SRGAP3: variants seen among roughly 807,000 people sequenced by gnomAD.
The protein encoded by SRGAP3 is SLIT-ROBO Rho GTPase activating protein 3, also known as SLIT-ROBO Rho GTPase-activating protein 3.
SRGAP3 carries 39 observed loss-of-function variants against 121.1 expected under a neutral mutation model. The observed-to-expected ratio is 0.32, with a 90% CI of 0.25 to 0.42. SRGAP3 has a LOEUF of 0.42. Ranked by LOEUF, SRGAP3 falls within the 10% of genes least tolerant of loss-of-function variation. The pLI is 1.00. For missense variants in SRGAP3, 1,213 were observed against 1,470.6 expected, an observed-to-expected ratio of 0.82 and a Z score of 2.86; for synonymous variants, 601 against 570.0, an observed-to-expected ratio of 1.05 and a Z score of -0.77.
At chr3:9,047,501 T>A (rs1180140354) in intron 9 of SRGAP3, 26 bp from the exon 10 acceptor site, 1 of 1,610,782 alleles carries the variant, frequency 6.2e-7, no homozygotes, top group Non-Finnish European at 8.5e-7. Context: ...CACAAGGAAG[T>A]TATAGATTGC....
At chr3:8,986,253 T>G (rs1174250052) in intron 21 of SRGAP3, among the ~76,000 whole-genome samples, 1 of 152,092 alleles carries the variant, frequency 6.6e-6, no homozygotes, top group Admixed American at 6.5e-5. Context: ...AGTTCCCTCA[T>G]CCCTCTGAGC....
intron 2 of SRGAP3, among the ~76,000 whole-genome samples, chr3:9,108,098 A>T (rs182089454): frequency 6.6e-6 from 1 of 152,192 alleles, no homozygotes; most frequent in East Asian, 1.9e-4. Flanking sequence ...ATACAGATTA[A>T]AGGCCCAATG....
At chr3:9,083,851 GA>G (rs1467508307) in intron 3 of SRGAP3, among the ~76,000 whole-genome samples, 11 of 152,082 alleles carry the variant, frequency 7.2e-5, no homozygotes, top group Non-Finnish European at 1.0e-4. Context: ...TTGGTGACCA[GA>G]AGCCATGTCA....
chr3:9,305,363 CTTTTTTT>C (rs1210901472), intron 3 of SRGAP3, among the ~76,000 whole-genome samples: 1 of 96,732 alleles, frequency 1.0e-5, no homozygotes, highest in South Asian at 3.4e-4. Flanking sequence ...GAGGTCCTCT[CTTTTTTT>C]TTTTTTTTTT....
intron 17 of SRGAP3, among the ~76,000 whole-genome samples, chr3:9,012,568 T>C (rs1312096519): frequency 6.6e-6 from 1 of 152,096 alleles, no homozygotes; most frequent in East Asian, 1.9e-4. Flanking sequence ...CCCAAACTAG[T>C]GATTGTTGAC....
At chr3:9,192,838 A>G (rs1317311106) in intron 1 of SRGAP3, 1 of 152,154 alleles carries the variant, frequency 6.6e-6, no homozygotes, top group African/African-American at 2.4e-5. Context: ...GGTAATCGTT[A>G]TAGTAACTCC....
Position 9,214,997 on chromosome 3 carries a change from G to C in SRGAP3, c.67+33888C>G, listed in dbSNP as rs117879280. Among the ~76,000 whole-genome samples, 175 of 137,468 alleles carry C rather than the reference G, an allele frequency of 1.3e-3. 2 individuals are homozygous for C. In the East Asian group the frequency reaches 0.019, roughly 15 times the overall value. The allele number at this position is 137,468 out of a possible 152,430, so 90.2% of individuals were successfully genotyped here. On this transcript the variant is annotated intron_variant, in intron 1 of 21. Coordinates refer to ENST00000383836, the MANE Select transcript of SRGAP3 (RefSeq NM_014850.4). Reference sequence around the variant, plus strand: ...TCCAGTATTCCTGGGAGGATAAAGTGAGGTGGCCTTTGAGGAAGGAGAGCT... The same window carrying C: ...TCCAGTATTCCTGGGAGGATAAAGTCAGGTGGCCTTTGAGGAAGGAGAGCT...
chr3:9,051,530 C>T (rs1945577206), intron 9 of SRGAP3, among the ~76,000 whole-genome samples: 1 of 152,012 alleles, frequency 6.6e-6, no homozygotes, highest in Non-Finnish European at 1.5e-5. Flanking sequence ...AGAAGACCTG[C>T]CCAAGATATC....
chr3:9,091,432 G>T (rs540776447), intron 3 of SRGAP3, among the ~76,000 whole-genome samples: 3 of 151,922 alleles, frequency 2.0e-5, no homozygotes, highest in Admixed American at 6.6e-5. Flanking sequence ...CCTAAATGCC[G>T]ACAGATCCTA....
chr3:9,047,530 C>G (rs572418689), intron 9 of SRGAP3, 55 bp from the exon 10 acceptor site: 4 of 1,551,504 alleles, frequency 2.6e-6, no homozygotes, highest in Non-Finnish European at 3.6e-6. Context: ...GTAATGGGAT[C>G]TCTGCCTCTG....
chr3:9,353,711 G>A (rs1033955896), intron 1 of SRGAP3, among the ~76,000 whole-genome samples: 4 of 152,170 alleles, frequency 2.6e-5, no homozygotes, highest in African/African-American at 4.8e-5. Context: ...CGGGTTAAAG[G>A]TTCATGGACT....
intron 1 of SRGAP3, among the ~76,000 whole-genome samples, chr3:9,230,806 G>A (rs1018141247): frequency 4.0e-5 from 6 of 151,218 alleles, no homozygotes; most frequent in East Asian, 1.9e-4. Context: ...TCAAGGCTGC[G>A]GTGAGTTATG....
chr3:9,022,130 C>T (rs939718367), intron 14 of SRGAP3, among the ~76,000 whole-genome samples: 3 of 152,158 alleles, frequency 2.0e-5, no homozygotes, highest in Non-Finnish European at 4.4e-5. Flanking sequence ...AGATGGAGAC[C>T]ATCCTGGCCA....
intron 1 of SRGAP3, among the ~76,000 whole-genome samples, chr3:9,171,106 C>G (rs951624878): frequency 6.6e-6 from 1 of 152,232 alleles, no homozygotes. Context: ...GGAAGAGAAA[C>G]CCAAGAACCC....
chr3:9,093,433 C>G (rs1947835635), intron 3 of SRGAP3, among the ~76,000 whole-genome samples: 1 of 152,180 alleles, frequency 6.6e-6, no homozygotes, highest in Non-Finnish European at 1.5e-5. Context: ...ATCTATCCAT[C>G]AACCTACCCA....
intron 1 of SRGAP3, among the ~76,000 whole-genome samples, chr3:9,183,268 G>A (rs185003184): frequency 3.9e-4 from 59 of 152,246 alleles, no homozygotes; most frequent in Non-Finnish European, 6.5e-4. Flanking sequence ...CAGCCACGGC[G>A]CCTGGGTCAA....
chr3:9,154,479 T>C (rs190840331), intron 1 of SRGAP3, among the ~76,000 whole-genome samples: 7 of 150,770 alleles, frequency 4.6e-5, no homozygotes, highest in Non-Finnish European at 1.0e-4. Flanking sequence ...TCCCAAGACA[T>C]TGCAGCTTCA....
chr3:9,354,078 T>C (rs1438510298), intron 1 of SRGAP3, among the ~76,000 whole-genome samples: 3 of 152,122 alleles, frequency 2.0e-5, no homozygotes, highest in African/African-American at 4.8e-5. Context: ...GTAAATTTAA[T>C]GTAGAGGAAC....
At chr3:9,274,316 CA>C (rs1443494820) in intron 3 of SRGAP3, among the ~76,000 whole-genome samples, 1 of 152,242 alleles carries the variant, frequency 6.6e-6, no homozygotes, top group Non-Finnish European at 1.5e-5. Flanking sequence ...AACTGGAGTT[CA>C]GGGGCAGTGG....
Sources: gnomAD v4.1 joint callset for allele counts (sites outside exome capture counted in the v4.1 genomes callset) on GRCh38, gnomAD v4.1.1 for gene constraint, MANE v1.5 for transcripts, NCBI Gene and HGNC (gene_info 2026-07-23, HGNC 2026-07-21) for gene names.